PARPBP: variants seen among roughly 807,000 people sequenced by gnomAD.
The protein encoded by PARPBP is PARP1 binding protein, also known as PCNA-interacting partner.
In PARPBP, 52 loss-of-function variants were observed where a neutral mutation model predicts 50.0. The observed-to-expected ratio is 1.04, with a 90% CI of 0.83 to 1.31. PARPBP has a LOEUF of 1.31. Ranked by LOEUF, PARPBP falls within the 50% of genes most tolerant of loss-of-function variation. The pLI is 0.00. For missense variants in PARPBP, 697 were observed against 672.0 expected, an observed-to-expected ratio of 1.04 and a Z score of -0.41; for synonymous variants, 244 against 232.1, an observed-to-expected ratio of 1.05 and a Z score of -0.47.
At chr12:102,167,716 T>C (rs924007152) in intron 6 of PARPBP, among the ~76,000 whole-genome samples, 21 of 152,290 alleles carry the variant, frequency 1.4e-4, no homozygotes, top group African/African-American at 4.1e-4. Context: ...ACGTTGATGC[T>C]GAGTCTCACA....
intron 2 of PARPBP, among the ~76,000 whole-genome samples, chr12:102,137,669 G>A (rs965492886): frequency 2.1e-5 from 3 of 140,952 alleles, no homozygotes; most frequent in Non-Finnish European, 3.1e-5. Flanking sequence ...CCCACCCCAC[G>A]ACAGGCCCCA....
At chr12:102,182,311 T>C (rs1464617951) in intron 8 of PARPBP, among the ~76,000 whole-genome samples, 1 of 152,206 alleles carries the variant, frequency 6.6e-6, no homozygotes, top group Admixed American at 6.5e-5. Flanking sequence ...TAATTCCAGC[T>C]AATTCCATGT....
intron 2 of PARPBP, among the ~76,000 whole-genome samples, chr12:102,138,873 C>T (rs1395667971): frequency 5.3e-5 from 8 of 152,290 alleles, no homozygotes; most frequent in African/African-American, 1.7e-4. Context: ...CACTACCATG[C>T]TGTTTTGGTT....
In PARPBP at chr12:102,156,176, C is replaced by CTTTTTTTTTTTTT. The variant is rs869213784; in HGVS notation, c.495+2216_495+2228dup. Among the ~76,000 whole-genome samples the CTTTTTTTTTTTTT allele has an allele frequency of 1.1e-4, 7 of 66,184 alleles. 1 individual carries two copies. The highest frequency in any genetic ancestry group is 4.1e-4 in the African/African-American group (6 of 14,786). 43.4% of individuals were successfully genotyped at this position (66,184 alleles called of 152,430 possible). On this transcript the variant is annotated intron_variant, in intron 4 of 10. Transcript: ENST00000327680. ...CATATTTGGCTCAGAATTAACCTTCCTTTTTTTTTTTTTTTTTTTTTTTTT... is the reference window on the plus strand; with the variant it reads ...CATATTTGGCTCAGAATTAACCTTCCTTTTTTTTTTTTTTTTTTTTTTTTTTTTTTTTTTTTTT...
Position 102,175,460 on chromosome 12 carries a change from G to A in PARPBP, c.822-23G>A, listed in dbSNP as rs1889162774. On this transcript the variant is annotated intron_variant, in intron 6 of 10. Transcript: ENST00000327680. ...TTATAATTTGCAATACTGCTATAGA[G>A]GCAATCTAATTTCTATTTTCAGCAT... 9 of 1,572,054 alleles carry A rather than the reference G, an allele frequency of 5.7e-6. No homozygotes were observed. In the East Asian group the frequency reaches 1.1e-4, roughly 20 times the overall value.
rs1023648532 is a variant in PARPBP, at chr12:102,197,207, G to C, written c.*916G>C. The C allele has an allele frequency of 6.9e-7, 1 of 1,440,168 alleles. No homozygotes were observed. The highest frequency in any genetic ancestry group is 1.2e-5 in the South Asian group (1 of 86,582). The allele number at this position is 1,440,168 out of a possible 1,614,324, so 89.2% of individuals were successfully genotyped here. A position where few individuals can be genotyped will look rare whatever the true frequency, so the allele number is the denominator to read the frequency against. On this transcript the variant is annotated 3_prime_UTR_variant, in exon 11 of 11. Coordinates refer to ENST00000327680, the MANE Select transcript of PARPBP (RefSeq NM_017915.5). ...AAGGTTGATTTGGTTTTTAGCTATC[G>C]TATTCGGAGTGGAACTATAATACAA...
intron 7 of PARPBP, among the ~76,000 whole-genome samples, chr12:102,175,929 A>T (rs79170450): frequency 3.3e-5 from 5 of 152,092 alleles, no homozygotes; most frequent in African/African-American, 1.2e-4. Flanking sequence ...TAGTACTAAA[A>T]ACTTATAATT....
At chr12:102,190,000 A>G (rs1339993872) in intron 9 of PARPBP, among the ~76,000 whole-genome samples, 4 of 152,096 alleles carry the variant, frequency 2.6e-5, no homozygotes, top group African/African-American at 9.7e-5. Flanking sequence ...AACAGAGTAG[A>G]GTTTACTCTG....
chr12:102,154,671 A>G (rs1886641453), intron 4 of PARPBP, among the ~76,000 whole-genome samples: 1 of 152,210 alleles, frequency 6.6e-6, no homozygotes, highest in Non-Finnish European at 1.5e-5. Flanking sequence ...TGACTCTGGC[A>G]TAACATCACA....
chr12:102,172,094 T>G (rs1888813101), intron 6 of PARPBP, among the ~76,000 whole-genome samples: 1 of 152,226 alleles, frequency 6.6e-6, no homozygotes, highest in Non-Finnish European at 1.5e-5. Context: ...TTCCAGTTAC[T>G]TTATTTTGGT....
chr12:102,192,423 G>A (rs1890880280), intron 9 of PARPBP, among the ~76,000 whole-genome samples: 1 of 152,048 alleles, frequency 6.6e-6, no homozygotes, highest in Non-Finnish European at 1.5e-5. Flanking sequence ...TAGAAGCCAG[G>A]TCTTCTGACT....
intron 4 of PARPBP, among the ~76,000 whole-genome samples, chr12:102,158,783 A>G (rs759423784): frequency 2.0e-5 from 3 of 151,804 alleles, no homozygotes; most frequent in Non-Finnish European, 2.9e-5. Flanking sequence ...AGGAAATTAT[A>G]ATTGTTATAT....
intron 9 of PARPBP, among the ~76,000 whole-genome samples, chr12:102,187,648 C>T (rs541535903): frequency 5.9e-5 from 9 of 152,226 alleles, no homozygotes; most frequent in African/African-American, 1.9e-4. Context: ...TGAGCTTCTA[C>T]CTCTACTGTT....
At chr12:102,146,919 A>T (rs1415919955) in intron 2 of PARPBP, among the ~76,000 whole-genome samples, 4 of 152,192 alleles carry the variant, frequency 2.6e-5, no homozygotes, top group Non-Finnish European at 1.5e-5. Flanking sequence ...ACATGAACAG[A>T]CACTTCTCAA....
At chr12:102,126,387 A>C (rs1263166511) in intron 2 of PARPBP, among the ~76,000 whole-genome samples, 3 of 152,184 alleles carry the variant, frequency 2.0e-5, no homozygotes, top group Non-Finnish European at 4.4e-5. Flanking sequence ...TCATGCTTTA[A>C]AAAAGTTTTT....
intron 4 of PARPBP, among the ~76,000 whole-genome samples, chr12:102,160,840 TG>T (rs1442368748): frequency 6.6e-6 from 1 of 151,640 alleles, no homozygotes; most frequent in Non-Finnish European, 1.5e-5. Flanking sequence ...CTCAGCTACT[TG>T]GGAGGCTGAG....
intron 2 of PARPBP, among the ~76,000 whole-genome samples, chr12:102,135,452 G>A (rs890119496): frequency 6.6e-6 from 1 of 150,868 alleles, no homozygotes; most frequent in South Asian, 2.1e-4. Context: ...GGCTGAGGCA[G>A]GAGAATGGTG....
At chr12:102,188,517 G>GGTT (rs1890515341) in intron 9 of PARPBP, among the ~76,000 whole-genome samples, 1 of 152,044 alleles carries the variant, frequency 6.6e-6, no homozygotes, top group African/African-American at 2.4e-5. Context: ...ATTGTATTGA[G>GGTT]GTTATCAGTC....
Position 102,123,918 on chromosome 12 carries a change from G to A in PARPBP, c.30G>A (p.Ser10=), listed in dbSNP as rs1276207865. 5.2e-6 allele frequency: 8 copies of A among 1,535,010 alleles called. No individual in the cohort carries two copies. Among genetic ancestry groups the A allele is most frequent in the Non-Finnish European group, 6.1e-6 (7 of 1,146,062 alleles). The part of the protein sequence containing the change: MAVFNQKSV[S]DMIKEFRKNW... ...CTGTGTTTAATCAGAAGTCTGTCTC[G>A]GATATGATTAAAGAGTTTCGAAAAA... The change falls in exon 2 of 11, where the codon TCG becomes TCA. Residue 10 remains serine, a synonymous_variant. Coordinates refer to ENST00000327680, the MANE Select transcript of PARPBP (RefSeq NM_017915.5).
Sources: allele counts gnomAD v4.1 joint callset (sites outside exome capture counted in the v4.1 genomes callset), GRCh38; gene constraint gnomAD v4.1.1; transcripts MANE v1.5; gene names NCBI Gene and HGNC (gene_info 2026-07-23, HGNC 2026-07-21).